ARHGAP27: variants seen among roughly 807,000 people sequenced by gnomAD.
ARHGAP27 encodes Rho GTPase activating protein 27, also known as rho GTPase-activating protein 27.
ARHGAP27 carries 53 observed loss-of-function variants against 102.0 expected under a neutral mutation model. The observed-to-expected ratio is 0.52, with a 90% CI of 0.42 to 0.65. ARHGAP27 has a LOEUF of 0.65. ARHGAP27 is among the 30% of genes least tolerant of loss of function. The pLI is 0.00. For missense variants in ARHGAP27, 1,117 were observed against 1,256.2 expected, an observed-to-expected ratio of 0.89 and a Z score of 1.68; for synonymous variants, 525 against 542.8, an observed-to-expected ratio of 0.97 and a Z score of 0.46.
Position 45,429,612 on chromosome 17 carries a change from CG to C in ARHGAP27, c.657+10del. 6.3e-7 allele frequency: 1 copy of C among 1,575,886 alleles called. No homozygotes were observed. Among genetic ancestry groups the C allele is most frequent in the Non-Finnish European group, 8.6e-7 (1 of 1,161,002 alleles). On this transcript the variant is annotated intron_variant, in intron 4 of 19. Transcript: ENST00000685559. ...CCACCCGCCTCCGCGCCCCAGCGCC[CG>C]GGGAGGTACCTGCTCTGCGCTCTCC... is the stretch of plus-strand genomic sequence containing the variant.
At position 45,410,830 on chromosome 17, in the gene ARHGAP27, G is replaced by A. The variant is rs1168992725; in HGVS notation, c.658-4747C>T. On this transcript the variant is annotated intron_variant, in intron 4 of 19. Transcript: ENST00000685559. ...GTAATGGGAAAGAGGAAGCTTGTGG[G>A]GGGGAGGGGAAGAGTTCCCAAAGAG... is the stretch of plus-strand genomic sequence containing the variant. Among the ~76,000 whole-genome samples the A allele has an allele frequency of 1.3e-5, 2 of 152,090 alleles. 1 individual carries two copies. The highest frequency in any genetic ancestry group is 1.3e-4 in the Admixed American group (2 of 15,266).
Position 45,396,961 on chromosome 17 carries a change from A to C in ARHGAP27, c.1906T>G (p.Leu636Val). 1 of 1,605,910 alleles carries C rather than the reference A, an allele frequency of 6.2e-7. No individual in the cohort carries two copies. The highest frequency in any genetic ancestry group is 8.5e-7 in the Non-Finnish European group (1 of 1,179,948). Residue 636 changes from leucine to valine, a missense_variant, in exon 14 of 20, where the codon TTG becomes GTG. By Grantham distance (32) the Leu-to-Val change is conservative (BLOSUM62 1). Coordinates refer to ENST00000685559, the MANE Select transcript of ARHGAP27 (RefSeq NM_001282290.2). ...SRVDFGSSER[L>V]GSWQEKEEDA... is the part of the protein sequence containing the mutation. The stretch of plus-strand genomic sequence containing the variant: ...TCCTCTTTCTCCTGCCAGCTTCCCA[A>C]GCGCTCGCTCGACCCGAAGTCCACT...
At position 45,404,992 on chromosome 17, in the gene ARHGAP27, G is replaced by C. The variant is rs1218853453; in HGVS notation, c.1180C>G (p.Pro394Ala). The change falls in exon 6 of 20, where the codon CCC (proline) becomes GCC (alanine). Residue 394 changes from proline (P) to alanine (A), a missense_variant. Physicochemically the swap from Pro to Ala is conservative, Grantham distance 27. Around this residue, in one of 3 missense-constraint regions of ARHGAP27, gnomAD observed 610 missense variants for 716.4 expected, o/e 0.85. Transcript: ENST00000685559. Reference protein sequence around the residue: ...PGPTSPLTTPPGWSCHVSQDK... With the variant: ...PGPTSPLTTPAGWSCHVSQDK... ...TGGCTGACATGACAAGACCAGCCGG[G>C]GGGTGTGGTCAAGGGAGAGGTAGGG... 6.2e-7 allele frequency: 1 copy of C among 1,614,018 alleles called. No individual in the cohort carries two copies. The highest frequency in any genetic ancestry group is 1.3e-5 in the African/African-American group (1 of 74,926).
At position 45,404,583 on chromosome 17, in the gene ARHGAP27, C is replaced by A. The variant is rs569612207; in HGVS notation, c.1329+18G>T. The A allele has an allele frequency of 6.2e-7, 1 of 1,614,024 alleles. No homozygotes were observed. Among genetic ancestry groups the A allele is most frequent in the African/African-American group, 1.3e-5 (1 of 75,036 alleles). On this transcript the variant is annotated intron_variant, in intron 7 of 19. Transcript: ENST00000685559. ...CTCTTCCTCTCTCCCCAACACCCCC[C>A]TTTCCCCAGGTTGTTACCTGGGGCA...
At chr17:45,420,199 G>A (rs1464877137) in intron 4 of ARHGAP27, among the ~76,000 whole-genome samples, 2 of 152,206 alleles carry the variant, frequency 1.3e-5, no homozygotes, top group Non-Finnish European at 2.9e-5. Flanking sequence ...CAGGAGACTG[G>A]TAAAATGGAT....
chr17:45,405,789 AG>A lies in ARHGAP27; in HGVS notation c.951del (p.Phe318SerfsTer5). ...GTCTCGCCCGTCAGCGGGTTGTAGAAGAACACCCTGCGGCTCTCCTCATCCC... is the reference window on the plus strand; with the variant it reads ...GTCTCGCCCGTCAGCGGGTTGTAGAAAACACCCTGCGGCTCTCCTCATCCC... Reference protein sequence around the residue: ...QYWDEESRRVFFYNPLTGETA... With the variant: ...QYWDEESRRVXFYNPLTGETA... On this transcript the variant is annotated frameshift_variant, in exon 5 of 20. Coordinates refer to ENST00000685559, the MANE Select transcript of ARHGAP27 (RefSeq NM_001282290.2). LOFTEE classifies it high-confidence loss of function. The A allele has an allele frequency of 6.4e-7, 1 of 1,556,086 alleles. No individual in the cohort carries two copies. The highest frequency in any genetic ancestry group is 8.6e-7 in the Non-Finnish European group (1 of 1,156,886).
At position 45,430,181 on chromosome 17, in the gene ARHGAP27, C is replaced by T. The variant is rs2049949122; in HGVS notation, c.99G>A (p.Glu33=). The change falls in exon 4 of 20, where the codon GAG becomes GAA. Residue 33 remains glutamate, a synonymous_variant. Coordinates refer to ENST00000685559, the MANE Select transcript of ARHGAP27 (RefSeq NM_001282290.2). The surrounding 1 kb of genome is among the most constrained non-coding windows in gnomAD (Gnocchi z 4.4). The part of the protein sequence containing the change: ...DGRRVAIRPN[E]RYRLLRRSTE... ...TGCTGCGCCGCAGCAGCCGGTAGCGCTCATTCGGCCGGATGGCCACGCGGC... is the reference window on the plus strand; with the variant it reads ...TGCTGCGCCGCAGCAGCCGGTAGCGTTCATTCGGCCGGATGGCCACGCGGC... The T allele has an allele frequency of 6.5e-7, 1 of 1,543,502 alleles. No homozygotes were observed. The highest frequency in any genetic ancestry group is 8.7e-7 in the Non-Finnish European group (1 of 1,151,736).
chr17:45,424,750 T>C (rs2049391175), intron 4 of ARHGAP27, among the ~76,000 whole-genome samples: 1 of 151,746 alleles, frequency 6.6e-6, no homozygotes, highest in Non-Finnish European at 1.5e-5. Context: ...CACCAAAATC[T>C]CAGAAATAGC....
At chr17:45,424,114 T>C (rs2049312345) in intron 4 of ARHGAP27, among the ~76,000 whole-genome samples, 1 of 152,130 alleles carries the variant, frequency 6.6e-6, no homozygotes, top group Non-Finnish European at 1.5e-5. Context: ...CCTCCTTTCA[T>C]GCCTCACAGG....
At chr17:45,420,198 G>A (rs2048892355) in intron 4 of ARHGAP27, among the ~76,000 whole-genome samples, 1 of 152,162 alleles carries the variant, frequency 6.6e-6, no homozygotes, top group Non-Finnish European at 1.5e-5. Context: ...ACAGGAGACT[G>A]GTAAAATGGA....
Position 45,404,342 on chromosome 17 carries a change from G to A in ARHGAP27, c.1414-8C>T, listed in dbSNP as rs748959242. 32 of 1,613,862 alleles carry A rather than the reference G, an allele frequency of 2.0e-5. No individual in the cohort carries two copies. Among genetic ancestry groups the A allele is most frequent in the Non-Finnish European group, 2.6e-5 (31 of 1,179,948 alleles). On this transcript the variant is annotated splice_polypyrimidine_tract_variant and splice_region_variant and intron_variant, in intron 8 of 19. Coordinates refer to ENST00000685559, the MANE Select transcript of ARHGAP27 (RefSeq NM_001282290.2). ...ATCCAGCTCTGCTGGGACCTATGGG[G>A]GAAGACAGATAGATCCCACCAAGTC...
rs1161440209 is a variant in ARHGAP27, at chr17:45,429,587, CCA to C, written c.657+34_657+35del. ...CCGTGCGGGCGCGGTCCCTAGCGCG[CCA>C]CCCGCCTCCGCGCCCCAGCGCCCGG... On this transcript the variant is annotated intron_variant, in intron 4 of 19. Transcript: ENST00000685559. 15 of 1,575,242 alleles carry C rather than the reference CCA, an allele frequency of 9.5e-6. No individual in the cohort carries two copies. In the Admixed American group the frequency reaches 2.3e-4, roughly 24 times the overall value.
At chr17:45,405,586 C>G in intron 5 of ARHGAP27, 90 bp downstream of exon 5, 1 of 1,476,130 alleles carries the variant, frequency 6.8e-7, no homozygotes, top group Non-Finnish European at 9.0e-7. Context: ...TCACCACCCC[C>G]TCACCCGTGT....
At chr17:45,400,636 C>G (rs958455835) in intron 12 of ARHGAP27, among the ~76,000 whole-genome samples, 1 of 152,128 alleles carries the variant, frequency 6.6e-6, no homozygotes, top group East Asian at 1.9e-4. Context: ...TGTCTCAGAC[C>G]GGGCATGGTG....
At chr17:45,401,677 A>G (rs2144364814) in intron 12 of ARHGAP27, 1 of 152,354 alleles carries the variant, frequency 6.6e-6, no homozygotes, top group East Asian at 1.9e-4. Flanking sequence ...AGCTACATAC[A>G]AGAAATTTAA....
chr17:45,405,161 G>T, intron 5 of ARHGAP27, 55 bp from the exon 6 acceptor site: 1 of 1,466,044 alleles, frequency 6.8e-7, no homozygotes, highest in Non-Finnish European at 9.0e-7. Flanking sequence ...CTGCCTGCTG[G>T]CCCTGCCGTT....
At chr17:45,403,537 C>A (rs961283502) in intron 11 of ARHGAP27, 82 bp downstream of exon 11, 31 of 1,184,094 alleles carry the variant, frequency 2.6e-5, no homozygotes, top group Non-Finnish European at 3.7e-5. Context: ...GGTGACAGAG[C>A]GAGACTCCGT....
intron 4 of ARHGAP27, among the ~76,000 whole-genome samples, chr17:45,413,139 C>CCAG: frequency 6.6e-6 from 1 of 151,596 alleles, no homozygotes; most frequent in Non-Finnish European, 1.5e-5. Context: ...GCCACCATGC[C>CCAG]CAGCTAATTT....
intron 4 of ARHGAP27, among the ~76,000 whole-genome samples, chr17:45,423,341 TG>T (rs1164195781): frequency 3.3e-5 from 5 of 151,940 alleles, no homozygotes; most frequent in Admixed American, 1.3e-4. Context: ...AAATATAAAA[TG>T]GCCAAAATTA....
Sources: gnomAD v4.1 joint callset for allele counts (sites outside exome capture counted in the v4.1 genomes callset) on GRCh38, gnomAD v4.1.1 for gene constraint, gnomAD v4.1.1 regional missense constraint, Gnocchi (gnomAD v3.1) non-coding constraint, MANE v1.5 for transcripts, NCBI Gene and HGNC (gene_info 2026-07-23, HGNC 2026-07-21) for gene names.